DLC1: variants seen among roughly 807,000 people sequenced by gnomAD.
DLC1 encodes DLC1 Rho GTPase activating protein.
In DLC1, 54 loss-of-function variants were observed where a neutral mutation model predicts 140.3. The observed-to-expected ratio is 0.38, with a 90% confidence interval of 0.31 to 0.48. DLC1 has a LOEUF of 0.48. DLC1 is among the 20% of genes least tolerant of loss of function. The pLI is 0.96. For synonymous variants in DLC1, 986 were observed against 728.1 expected (o/e 1.35, Z -5.70); for missense variants, 2,536 against 1,907.0 (o/e 1.33, Z -6.14).
At chr8:13,123,512 T>TG (rs1027429233) in intron 5 of DLC1, among the ~76,000 whole-genome samples, 4 of 151,084 alleles carry the variant, frequency 2.6e-5, no homozygotes, top group African/African-American at 7.3e-5. Context: ...AGCTAATTTT[T>TG]TTTTTTTTTT....
chr8:13,288,708 G>A (rs1215370324), intron 5 of DLC1, among the ~76,000 whole-genome samples: 2 of 152,170 alleles, frequency 1.3e-5, no homozygotes, highest in Non-Finnish European at 2.9e-5. Context: ...AACAGGAGAG[G>A]CGGCCCCTAT....
intron 1 of DLC1, among the ~76,000 whole-genome samples, chr8:13,538,591 G>C (rs1431641182): frequency 9.9e-5 from 15 of 152,138 alleles, no homozygotes; most frequent in Admixed American, 9.8e-4. Context: ...TACTCTATCT[G>C]GGTATGTGTG....
chr8:13,317,536 C>G (rs1256486077), intron 4 of DLC1, among the ~76,000 whole-genome samples: 1 of 151,954 alleles, frequency 6.6e-6, no homozygotes, highest in Non-Finnish European at 1.5e-5. Context: ...AATTCGAATT[C>G]TAGGAGAAAA....
intron 5 of DLC1, among the ~76,000 whole-genome samples, chr8:13,150,879 A>C (rs185394259): frequency 7.9e-5 from 12 of 152,360 alleles, no homozygotes; most frequent in Non-Finnish European, 1.5e-4. Flanking sequence ...TGGCCTTAAA[A>C]ATGCATGAGC....
intron 1 of DLC1, among the ~76,000 whole-genome samples, chr8:13,529,812 T>C (rs1200607698): frequency 1.3e-5 from 2 of 152,178 alleles, no homozygotes; most frequent in African/African-American, 4.8e-5. Context: ...TATTTGTTAC[T>C]CTCCTGCATA....
chr8:13,200,474 C>T (rs183655708), intron 5 of DLC1, among the ~76,000 whole-genome samples: 81 of 152,266 alleles, frequency 5.3e-4, no homozygotes, highest in South Asian at 1.7e-3. Flanking sequence ...CCTAACCAGA[C>T]GAATTGGTTT....
chr8:13,334,228 GA>G (rs1216370636), intron 4 of DLC1, among the ~76,000 whole-genome samples: 1 of 152,172 alleles, frequency 6.6e-6, no homozygotes, highest in Non-Finnish European at 1.5e-5. Context: ...AAGCAGGGGG[GA>G]GTTGCAGATG....
chr8:13,588,075 A>C (rs770269535), intron 1 of DLC1, among the ~76,000 whole-genome samples: 1 of 152,126 alleles, frequency 6.6e-6, no homozygotes, highest in African/African-American at 2.4e-5. Flanking sequence ...AAAGTCAGAC[A>C]GTCTTCAGTT....
At chr8:13,358,347 C>G (rs1835046566) in intron 4 of DLC1, among the ~76,000 whole-genome samples, 2 of 152,146 alleles carry the variant, frequency 1.3e-5, no homozygotes, top group South Asian at 4.1e-4. Flanking sequence ...CTCGTTTTGT[C>G]ACCCCCAGGT....
intron 5 of DLC1, among the ~76,000 whole-genome samples, chr8:13,237,217 G>GTT (rs1324885435): frequency 7.8e-6 from 1 of 128,876 alleles, no homozygotes; most frequent in Non-Finnish European, 1.7e-5. Flanking sequence ...GTGTGTGTGT[G>GTT]TGTGTGTATA....
At chr8:13,270,787 A>G (rs528715759) in intron 5 of DLC1, among the ~76,000 whole-genome samples, 140 of 152,238 alleles carry the variant, frequency 9.2e-4, no homozygotes, top group Middle Eastern at 6.8e-3. Context: ...CCCAAAGCCA[A>G]TTATAGAGGT....
intron 1 of DLC1, chr8:13,568,073 T>C: frequency 2.7e-6 from 3 of 1,118,348 alleles, no homozygotes; most frequent in East Asian, 2.6e-5. Context: ...AACTTTCACT[T>C]TTTTTTTCCT....
At chr8:13,489,036 C>T (rs1258110434) in intron 2 of DLC1, among the ~76,000 whole-genome samples, 3 of 152,094 alleles carry the variant, frequency 2.0e-5, no homozygotes, top group Admixed American at 6.5e-5. Context: ...CAACCTCTGC[C>T]TCCTGGGTTG....
At chr8:13,413,543 G>A (rs1386828362) in intron 2 of DLC1, among the ~76,000 whole-genome samples, 1 of 151,758 alleles carries the variant, frequency 6.6e-6, no homozygotes, top group Non-Finnish European at 1.5e-5. Flanking sequence ...AAATCTGGAA[G>A]GATATCTGAT....
chr8:13,289,708 G>A (rs1831684607), intron 5 of DLC1, among the ~76,000 whole-genome samples: 1 of 152,188 alleles, frequency 6.6e-6, no homozygotes, highest in Non-Finnish European at 1.5e-5. Context: ...GCCCTGGGGA[G>A]GAGAAGGGGG....
intron 1 of DLC1, among the ~76,000 whole-genome samples, chr8:13,594,465 C>T (rs1466137100): frequency 6.6e-6 from 1 of 152,046 alleles, no homozygotes; most frequent in Non-Finnish European, 1.5e-5. Context: ...TTGGATTCTC[C>T]CACATTGCTT....
chr8:13,136,496 G>A (rs969475358), intron 5 of DLC1, among the ~76,000 whole-genome samples: 2 of 152,132 alleles, frequency 1.3e-5, no homozygotes, highest in Admixed American at 6.5e-5. Context: ...CATTCATGTT[G>A]CTGCAAAGGA....
At chr8:13,446,980 G>A (rs537334283) in intron 2 of DLC1, among the ~76,000 whole-genome samples, 1 of 151,616 alleles carries the variant, frequency 6.6e-6, no homozygotes, top group South Asian at 2.1e-4. Flanking sequence ...GACAACGGAA[G>A]AAGGAAGGGA....
intron 4 of DLC1, among the ~76,000 whole-genome samples, chr8:13,347,949 C>T (rs1217528135): frequency 6.6e-6 from 1 of 152,062 alleles, no homozygotes; most frequent in African/African-American, 2.4e-5. Flanking sequence ...ATTAGCCGGG[C>T]ATGGTGGCAG....
Sources: allele counts gnomAD v4.1 joint callset (sites outside exome capture counted in the v4.1 genomes callset), GRCh38; gene constraint gnomAD v4.1.1; transcripts MANE v1.5; gene names NCBI Gene and HGNC (gene_info 2026-07-23, HGNC 2026-07-21).